CDC42SE2: variants seen among roughly 807,000 people sequenced by gnomAD.
CDC42SE2 encodes CDC42 small effector protein 2.
CDC42SE2 carries 3 observed loss-of-function variants against 11.5 expected under a neutral mutation model. The observed-to-expected ratio is 0.26, with a 90% CI of 0.12 to 0.67. The LOEUF (loss-of-function observed/expected upper bound fraction) is 0.67, where lower values mean the gene tolerates loss of function less well. Ranked by LOEUF, CDC42SE2 falls within the 30% of genes least tolerant of loss-of-function variation. The pLI, the probability that CDC42SE2 is intolerant of heterozygous loss-of-function variation, is 0.80. For synonymous variants in CDC42SE2, 33 were observed against 34.8 expected (o/e 0.95, Z 0.18); for missense variants, 82 against 106.8 (o/e 0.77, Z 1.02).
At chr5:131,313,024 C>A (rs1412306613) in intron 1 of CDC42SE2, among the ~76,000 whole-genome samples, 1 of 151,786 alleles carries the variant, frequency 6.6e-6, no homozygotes, top group African/African-American at 2.4e-5. Context: ...GCTCTGTCAC[C>A]CAGGCTGTAG....
chr5:131,364,865 CAG>C (rs756070019), intron 3 of CDC42SE2, among the ~76,000 whole-genome samples: 22 of 152,302 alleles, frequency 1.4e-4, no homozygotes, highest in Non-Finnish European at 1.9e-4. Context: ...CACAGTGAAA[CAG>C]AGGAAGTGCA....
At chr5:131,335,797 C>CT (rs1250441493) in intron 2 of CDC42SE2, among the ~76,000 whole-genome samples, 2 of 152,180 alleles carry the variant, frequency 1.3e-5, no homozygotes, top group African/African-American at 4.8e-5. Context: ...CAACCCCTGC[C>CT]TTTTTTTGTT....
At chr5:131,336,421 A>T (rs1403589646) in intron 2 of CDC42SE2, among the ~76,000 whole-genome samples, 1 of 152,014 alleles carries the variant, frequency 6.6e-6, no homozygotes, top group Non-Finnish European at 1.5e-5. Flanking sequence ...CTTCATTTCA[A>T]CTTTGATGAA....
intron 1 of CDC42SE2, among the ~76,000 whole-genome samples, chr5:131,264,555 G>T (rs1756815404): frequency 6.6e-6 from 1 of 152,036 alleles, no homozygotes; most frequent in African/African-American, 2.4e-5. Flanking sequence ...GGGCGGGCGG[G>T]GAGGGCCCGG....
At chr5:131,226,180 G>A in the CDC42SE2 span, among the ~76,000 whole-genome samples, 1 of 152,234 alleles carries the variant, frequency 6.6e-6, no homozygotes, top group Non-Finnish European at 1.5e-5. Flanking sequence ...CGATTGTCTT[G>A]CAGAGATCTT....
At chr5:131,226,949 T>C in the CDC42SE2 span, among the ~76,000 whole-genome samples, 1 of 152,190 alleles carries the variant, frequency 6.6e-6, no homozygotes, top group Non-Finnish European at 1.5e-5. Context: ...AATTACTAAG[T>C]AAGACTATTT....
chr5:131,216,245 C>T, the CDC42SE2 span, among the ~76,000 whole-genome samples: 1 of 152,088 alleles, frequency 6.6e-6, no homozygotes, highest in Admixed American at 6.5e-5. Context: ...GCCTGTAATC[C>T]CAGCACTTTG....
At chr5:131,309,459 A>C (rs532206139) in intron 1 of CDC42SE2, among the ~76,000 whole-genome samples, 3 of 152,242 alleles carry the variant, frequency 2.0e-5, no homozygotes, top group East Asian at 3.9e-4. Flanking sequence ...TGCTGGCCTC[A>C]TAAAATGAGT....
intron 3 of CDC42SE2, among the ~76,000 whole-genome samples, chr5:131,379,375 A>G (rs960880375): frequency 1.3e-5 from 2 of 152,204 alleles, no homozygotes; most frequent in African/African-American, 4.8e-5. Context: ...CCCAGAGAAT[A>G]GTCTTTGGGA....
intron 2 of CDC42SE2, among the ~76,000 whole-genome samples, chr5:131,346,569 C>T (rs183955100): frequency 2.8e-4 from 42 of 152,228 alleles, no homozygotes; most frequent in Non-Finnish European, 5.3e-4. Flanking sequence ...CTTTAACACC[C>T]GACTGTCAGC....
chr5:131,387,210 C>T (rs1750512691), intron 4 of CDC42SE2, among the ~76,000 whole-genome samples: 1 of 152,122 alleles, frequency 6.6e-6, no homozygotes, highest in Non-Finnish European at 1.5e-5. Flanking sequence ...TTTAATTTCT[C>T]TCTCATCAAC....
At chr5:131,286,593 T>C (rs569981156) in intron 1 of CDC42SE2, among the ~76,000 whole-genome samples, 7 of 152,024 alleles carry the variant, frequency 4.6e-5, no homozygotes, top group African/African-American at 1.7e-4. Flanking sequence ...TCCACTTACA[T>C]GTAGGCTTTC....
At chr5:131,316,643 C>T (rs571710793) in intron 2 of CDC42SE2, among the ~76,000 whole-genome samples, 8 of 152,140 alleles carry the variant, frequency 5.3e-5, no homozygotes, top group Admixed American at 1.3e-4. Flanking sequence ...CCCTCTTCTC[C>T]GCAGAGCTGA....
At chr5:131,336,428 T>A (rs1441237657) in intron 2 of CDC42SE2, among the ~76,000 whole-genome samples, 4 of 152,216 alleles carry the variant, frequency 2.6e-5, no homozygotes, top group Non-Finnish European at 4.4e-5. Flanking sequence ...TCAACTTTGA[T>A]GAATCTGACA....
At chr5:131,317,836 A>C (rs117122124) in intron 2 of CDC42SE2, among the ~76,000 whole-genome samples, 1 of 150,512 alleles carries the variant, frequency 6.6e-6, no homozygotes, top group African/African-American at 2.5e-5. Flanking sequence ...AATCCTTCAA[A>C]AAGAGATTTA....
intron 2 of CDC42SE2, among the ~76,000 whole-genome samples, chr5:131,331,574 A>AT (rs1297749137): frequency 6.6e-6 from 1 of 152,036 alleles, no homozygotes; most frequent in Non-Finnish European, 1.5e-5. Flanking sequence ...TTAACATTCA[A>AT]TTTTTTTTCC....
chr5:131,340,441 C>G lies in CDC42SE2; in HGVS notation c.-285-18768C>G, dbSNP rs190745604. Among the ~76,000 whole-genome samples the G allele has an allele frequency of 9.2e-5, 14 of 152,202 alleles. No individual in the cohort carries two copies. The East Asian group carries it at 2.7e-3, about 29-fold the overall frequency. On this transcript the variant is annotated intron_variant, in intron 2 of 4. Transcript: ENST00000505065. ...TAATATTTATGGTTTCAGGCATACA[C>G]TGAGGGCCTTGGAGCATTATCTTTC...
intron 1 of CDC42SE2, among the ~76,000 whole-genome samples, chr5:131,298,269 A>C (rs1272877143): frequency 6.6e-6 from 1 of 151,260 alleles, no homozygotes; most frequent in African/African-American, 2.4e-5. Flanking sequence ...TGCCTGGCTA[A>C]TTTTTATTTT....
intron 2 of CDC42SE2, among the ~76,000 whole-genome samples, chr5:131,341,187 A>G (rs1758703718): frequency 6.6e-6 from 1 of 152,212 alleles, no homozygotes; most frequent in Admixed American, 6.5e-5. Flanking sequence ...CCAGTTTGAA[A>G]GAGGTCATTC....
Sources: allele counts gnomAD v4.1 joint callset (sites outside exome capture counted in the v4.1 genomes callset), GRCh38; gene constraint gnomAD v4.1.1; transcripts MANE v1.5; gene names NCBI Gene and HGNC (gene_info 2026-07-23, HGNC 2026-07-21).